The following KCNQ3 variants were observed in gnomAD, a reference collection of about 807,000 sequenced individuals.
The protein encoded by KCNQ3 is potassium voltage-gated channel subfamily KQT member 3.
In KCNQ3, 30 loss-of-function variants were observed where a neutral mutation model predicts 92.5. The observed-to-expected ratio is 0.32, with a 90% confidence interval of 0.24 to 0.44. The LOEUF is 0.44. KCNQ3 is among the 20% of genes least tolerant of loss of function. The pLI is 1.00. For missense variants in KCNQ3, 913 were observed against 1,140.3 expected, an observed-to-expected ratio of 0.80 and a Z score of 2.87; for synonymous variants, 450 against 468.8, an observed-to-expected ratio of 0.96 and a Z score of 0.52.
At chr8:132,349,431 A>G (rs1228223371) in intron 1 of KCNQ3, among the ~76,000 whole-genome samples, 1 of 152,260 alleles carries the variant, frequency 6.6e-6, no homozygotes, top group African/African-American at 2.4e-5. Flanking sequence ...CAGAAAGAGA[A>G]GAGAGAAAGA....
intron 1 of KCNQ3, among the ~76,000 whole-genome samples, chr8:132,332,015 G>A (rs1220602957): frequency 6.6e-6 from 1 of 152,228 alleles, no homozygotes; most frequent in African/African-American, 2.4e-5. Context: ...CCCCTTGAAT[G>A]TGGTCTGGAT....
At chr8:132,272,430 C>T (rs1246075308) in intron 1 of KCNQ3, among the ~76,000 whole-genome samples, 1 of 152,208 alleles carries the variant, frequency 6.6e-6, no homozygotes, top group Non-Finnish European at 1.5e-5. Flanking sequence ...CTGGGCTTTG[C>T]TTCAGTTCAG....
chr8:132,458,116 C>A (rs1158866134), intron 1 of KCNQ3, among the ~76,000 whole-genome samples: 2 of 152,186 alleles, frequency 1.3e-5, no homozygotes, highest in Non-Finnish European at 2.9e-5. Context: ...GGACTTGCCA[C>A]CTGGTCTAGG....
chr8:132,376,957 C>A (rs1405310067), intron 1 of KCNQ3, among the ~76,000 whole-genome samples: 1 of 152,112 alleles, frequency 6.6e-6, no homozygotes, highest in Non-Finnish European at 1.5e-5. Flanking sequence ...AGAGACTGAG[C>A]TATGAAAATA....
chr8:132,292,952 T>A (rs1007071314), intron 1 of KCNQ3, among the ~76,000 whole-genome samples: 1 of 151,246 alleles, frequency 6.6e-6, no homozygotes, highest in Non-Finnish European at 1.5e-5. Context: ...GTGTAGATTA[T>A]GCGCTTTTTG....
intron 1 of KCNQ3, among the ~76,000 whole-genome samples, chr8:132,262,353 C>T (rs1815814653): frequency 6.6e-6 from 1 of 152,116 alleles, no homozygotes; most frequent in African/African-American, 2.4e-5. Flanking sequence ...TTGAATTGTA[C>T]ACTTTAAATG....
At chr8:132,386,872 G>T (rs567927917) in intron 1 of KCNQ3, among the ~76,000 whole-genome samples, 1 of 152,148 alleles carries the variant, frequency 6.6e-6, no homozygotes, top group South Asian at 2.1e-4. Context: ...AATACATTTT[G>T]GGGAGCATTA....
intron 1 of KCNQ3, among the ~76,000 whole-genome samples, chr8:132,393,990 T>A (rs1820120056): frequency 6.6e-6 from 1 of 152,228 alleles, no homozygotes; most frequent in Admixed American, 6.5e-5. Flanking sequence ...GTGCCCTTGC[T>A]GTGCTCAGTG....
At chr8:132,277,740 G>T (rs373800139) in intron 1 of KCNQ3, among the ~76,000 whole-genome samples, 96 of 152,260 alleles carry the variant, frequency 6.3e-4, no homozygotes, top group African/African-American at 2.2e-3. Flanking sequence ...GTCCCCAAAG[G>T]ACGGCCCAGA....
chr8:132,464,336 T>C (rs1822124792), intron 1 of KCNQ3, among the ~76,000 whole-genome samples: 1 of 152,238 alleles, frequency 6.6e-6, no homozygotes, highest in African/African-American at 2.4e-5. Context: ...AGTACTTATG[T>C]CCATGTCTGC....
rs138824290 is a variant in KCNQ3, at chr8:132,452,039, C to T, written c.386+28108G>A. ...CACAGTGGTATGTGGTTTCTCACAC[C>T]GCAGCCAAGGGTTGGGTTTTTCGTT... On this transcript the variant is annotated intron_variant, in intron 1 of 14. Coordinates refer to ENST00000388996, the MANE Select transcript of KCNQ3 (RefSeq NM_004519.4). Among the ~76,000 whole-genome samples the T allele has an allele frequency of 3.8e-3, 576 of 152,270 alleles. 2 individuals are homozygous for T. The highest frequency in any genetic ancestry group is 0.013 in the African/African-American group (557 of 41,534).
intron 1 of KCNQ3, among the ~76,000 whole-genome samples, chr8:132,435,239 G>C (rs1414431541): frequency 6.6e-6 from 1 of 152,180 alleles, no homozygotes; most frequent in Non-Finnish European, 1.5e-5. Flanking sequence ...TTATTTATCA[G>C]TGTATTCACA....
intron 1 of KCNQ3, among the ~76,000 whole-genome samples, chr8:132,200,826 C>T (rs778674764): frequency 1.3e-5 from 2 of 152,164 alleles, no homozygotes; most frequent in Admixed American, 6.5e-5. Flanking sequence ...ACTAAGTCAA[C>T]GGCTTGTTTG....
At chr8:132,445,557 AC>A (rs1386137466) in intron 1 of KCNQ3, among the ~76,000 whole-genome samples, 5 of 152,120 alleles carry the variant, frequency 3.3e-5, no homozygotes, top group African/African-American at 1.2e-4. Flanking sequence ...AAATAAAAAA[AC>A]GACTCTAATA....
chr8:132,217,935 C>G (rs1014704265), intron 1 of KCNQ3, among the ~76,000 whole-genome samples: 1 of 152,086 alleles, frequency 6.6e-6, no homozygotes, highest in Non-Finnish European at 1.5e-5. Context: ...CCAGGCTCCT[C>G]GAAAAACAGT....
At chr8:132,441,166 C>T (rs1821525623) in intron 1 of KCNQ3, among the ~76,000 whole-genome samples, 1 of 152,210 alleles carries the variant, frequency 6.6e-6, no homozygotes. Flanking sequence ...TTGAAGACCT[C>T]AAAAGTAGGT....
intron 1 of KCNQ3, among the ~76,000 whole-genome samples, chr8:132,308,154 G>C (rs1046776890): frequency 2.2e-4 from 34 of 152,298 alleles, no homozygotes; most frequent in African/African-American, 8.2e-4. Flanking sequence ...AGCCTTCCCA[G>C]GTTTGAGGTT....
intron 1 of KCNQ3, among the ~76,000 whole-genome samples, chr8:132,235,006 T>C (rs1395067378): frequency 6.6e-6 from 1 of 152,212 alleles, no homozygotes; most frequent in African/African-American, 2.4e-5. Flanking sequence ...TACATTAAAA[T>C]GGTGAATTTT....
Position 132,356,644 on chromosome 8 carries a change from G to A in KCNQ3, c.386+123503C>T, listed in dbSNP as rs191253349. ...TATCGGCAACAAAGCTGGCATCTAC[G>A]AGACCCCATCTAACTGTTGTGCTAT... is the stretch of plus-strand genomic sequence containing the variant. On this transcript the variant is annotated intron_variant, in intron 1 of 14. Coordinates refer to ENST00000388996, the MANE Select transcript of KCNQ3 (RefSeq NM_004519.4). 2.6e-5 allele frequency among the ~76,000 whole-genome samples: 4 copies of A among 152,288 alleles called. No homozygotes were observed. The East Asian group carries it at 5.8e-4, about 22-fold the overall frequency.
Sources: gnomAD v4.1 joint callset for allele counts (sites outside exome capture counted in the v4.1 genomes callset) on GRCh38, gnomAD v4.1.1 for gene constraint, MANE v1.5 for transcripts, NCBI Gene and HGNC (gene_info 2026-07-23, HGNC 2026-07-21) for gene names.